Variants in EXOC4 observed in about 807,000 individuals in gnomAD.
The protein encoded by EXOC4 is exocyst complex component 4, also known as SEC8-like 1.
A neutral mutation model predicts 107.2 loss-of-function variants in EXOC4; 71 were observed. The ratio of observed to expected loss-of-function variants is 0.66; its 90% CI spans 0.55 to 0.81. EXOC4 has a LOEUF of 0.81. Among genes scored for constraint, EXOC4 ranks in the 30% least tolerant of loss-of-function variants. The pLI is 0.00. For synonymous variants in EXOC4, 456 were observed against 441.2 expected (o/e 1.03, Z -0.42); for missense variants, 1,108 against 1,189.6 (o/e 0.93, Z 1.01).
intron 7 of EXOC4, among the ~76,000 whole-genome samples, chr7:133,411,642 A>G (rs942031433): frequency 6.6e-6 from 1 of 152,108 alleles, no homozygotes; most frequent in Non-Finnish European, 1.5e-5. Flanking sequence ...TCTTTTCAGG[A>G]CTTAGCATCA....
At chr7:133,578,056 A>G (rs1801171861) in intron 9 of EXOC4, among the ~76,000 whole-genome samples, 1 of 152,172 alleles carries the variant, frequency 6.6e-6, no homozygotes, top group African/African-American at 2.4e-5. Flanking sequence ...ATAGATGCAA[A>G]TAGTTTTCCA....
intron 9 of EXOC4, among the ~76,000 whole-genome samples, chr7:133,527,653 TG>T (rs1314233581): frequency 6.6e-6 from 1 of 152,100 alleles, no homozygotes; most frequent in Non-Finnish European, 1.5e-5. Context: ...AGAGAAAAAT[TG>T]TGTTTAATTA....
At chr7:133,963,147 T>G (rs937805905) in intron 14 of EXOC4, among the ~76,000 whole-genome samples, 3 of 152,262 alleles carry the variant, frequency 2.0e-5, no homozygotes, top group Non-Finnish European at 2.9e-5. Context: ...TAGCCCTTGC[T>G]AATCACTCAC....
At chr7:133,471,340 A>T (rs1368521142) in intron 7 of EXOC4, among the ~76,000 whole-genome samples, 2 of 151,240 alleles carry the variant, frequency 1.3e-5, no homozygotes, top group African/African-American at 4.9e-5. Context: ...TGAACCTGGG[A>T]GGTGGAGGTT....
chr7:133,578,904 C>G (rs1801190783), intron 9 of EXOC4, among the ~76,000 whole-genome samples: 1 of 152,088 alleles, frequency 6.6e-6, no homozygotes, highest in Non-Finnish European at 1.5e-5. Flanking sequence ...GGCAAAATGA[C>G]TTTGCAGTGC....
intron 17 of EXOC4, among the ~76,000 whole-genome samples, chr7:134,045,428 A>T (rs1226068201): frequency 6.6e-6 from 1 of 152,186 alleles, no homozygotes; most frequent in Non-Finnish European, 1.5e-5. Flanking sequence ...GCTGGTGAAG[A>T]TGTTGCCATA....
At chr7:133,658,330 C>T (rs1208128314) in intron 10 of EXOC4, among the ~76,000 whole-genome samples, 4 of 152,126 alleles carry the variant, frequency 2.6e-5, no homozygotes, top group African/African-American at 4.8e-5. Flanking sequence ...ATAGGCCACA[C>T]GACCCTTCTG....
At position 133,758,225 on chromosome 7, in the gene EXOC4, A is replaced by G. The variant is rs112324917; in HGVS notation, c.1515-59100A>G. 2.1e-3 allele frequency among the ~76,000 whole-genome samples: 324 copies of G among 152,252 alleles called. 2 individuals are homozygous for G. The highest frequency in any genetic ancestry group is 7.3e-3 in the African/African-American group (305 of 41,550). On this transcript the variant is annotated intron_variant, in intron 10 of 17. Transcript: ENST00000253861. ...CAGTGGCGTGTCTCGGCTCACTGCA[A>G]CATCTGCCTCCCGAGTTCAAGCGAT...
intron 11 of EXOC4, among the ~76,000 whole-genome samples, chr7:133,823,122 C>T (rs1041705979): frequency 1.3e-5 from 2 of 152,190 alleles, no homozygotes; most frequent in Admixed American, 1.3e-4. Flanking sequence ...ATAAGCTGTG[C>T]AAGTACAAAT....
chr7:133,520,679 CT>C (rs1415563631), intron 9 of EXOC4, among the ~76,000 whole-genome samples: 1 of 152,094 alleles, frequency 6.6e-6, no homozygotes, highest in African/African-American at 2.4e-5. Context: ...GGAGATCTTT[CT>C]GGTGCCATTT....
the EXOC4 span, among the ~76,000 whole-genome samples, chr7:134,100,928 G>A: frequency 6.2e-4 from 78 of 126,234 alleles, 19 homozygotes; most frequent in Admixed American, 1.8e-3. Context: ...TGGTGACAGA[G>A]CAAGACTCCA....
chr7:134,067,401 G>A (rs888119609), downstream of EXOC4, among the ~76,000 whole-genome samples: 15 of 152,018 alleles, frequency 9.9e-5, no homozygotes, highest in African/African-American at 3.6e-4. Context: ...TTGGTTCTCA[G>A]AACAGCAGCT....
chr7:133,334,228 T>C (rs915607752), intron 5 of EXOC4, among the ~76,000 whole-genome samples: 1 of 152,216 alleles, frequency 6.6e-6, no homozygotes, highest in African/African-American at 2.4e-5. Context: ...TCCATCTCTA[T>C]CTTTTATCCC....
At chr7:133,850,251 T>A (rs983682940) in intron 11 of EXOC4, among the ~76,000 whole-genome samples, 1 of 152,212 alleles carries the variant, frequency 6.6e-6, no homozygotes, top group African/African-American at 2.4e-5. Flanking sequence ...GGAATTCTAG[T>A]ATTTTTGCAT....
chr7:133,274,303 G>C (rs1793939934), intron 1 of EXOC4, among the ~76,000 whole-genome samples: 1 of 152,196 alleles, frequency 6.6e-6, no homozygotes, highest in Admixed American at 6.5e-5. Context: ...TCGGAAGGTG[G>C]TTCCTCAGTG....
At chr7:134,092,935 A>C in the EXOC4 span, among the ~76,000 whole-genome samples, 7 of 151,804 alleles carry the variant, frequency 4.6e-5, no homozygotes, top group Non-Finnish European at 8.8e-5. Context: ...AAAAAAAAAA[A>C]AAAGGAAACC....
At chr7:133,792,493 C>G (rs575945751) in intron 10 of EXOC4, among the ~76,000 whole-genome samples, 1 of 127,970 alleles carries the variant, frequency 7.8e-6, no homozygotes, top group East Asian at 2.3e-4. Context: ...GTTGAGGCTG[C>G]AGTGAGCTGA....
In EXOC4 at chr7:133,604,706, C is replaced by CTTTT. The variant is rs1554477961; in HGVS notation, c.1418-25336_1418-25335insTTTT. Among the ~76,000 whole-genome samples, 423 of 87,472 alleles carry CTTTT rather than the reference C, an allele frequency of 4.8e-3. 46 individuals are homozygous for CTTTT. Among genetic ancestry groups the CTTTT allele is most frequent in the Middle Eastern group, 0.014 (2 of 138 alleles). The allele number at this position is 87,472 out of a possible 152,430, so 57.4% of individuals were successfully genotyped here. A position where few individuals can be genotyped will look rare whatever the true frequency, so the allele number is the denominator to read the frequency against. On this transcript the variant is annotated intron_variant, in intron 9 of 17. Transcript: ENST00000253861. Reference sequence around the variant, plus strand: ...TTTTTCTTTCCTTCCTTCCTTCCTTCTTTCTTTTTTTTTTTTTTTTTTTTT... The same window carrying CTTTT: ...TTTTTCTTTCCTTCCTTCCTTCCTTCTTTTTTTCTTTTTTTTTTTTTTTTTTTTT...
chr7:134,024,461 AAG>A (rs1795093168), intron 17 of EXOC4, among the ~76,000 whole-genome samples: 1 of 151,914 alleles, frequency 6.6e-6, no homozygotes, highest in Admixed American at 6.6e-5. Flanking sequence ...AAAAAAAAAA[AAG>A]AAGCTAGTAT....
Sources: allele counts gnomAD v4.1 joint callset (sites outside exome capture counted in the v4.1 genomes callset), GRCh38; gene constraint gnomAD v4.1.1; transcripts MANE v1.5; gene names NCBI Gene and HGNC (gene_info 2026-07-23, HGNC 2026-07-21).